Variants in CACNA2D3 observed in about 807,000 individuals in gnomAD.
CACNA2D3 encodes calcium voltage-gated channel auxiliary subunit alpha2delta 3.
In CACNA2D3, 60 loss-of-function variants were observed where a neutral mutation model predicts 160.6. That is an observed-to-expected ratio of 0.37 (90% CI 0.30 to 0.46). The LOEUF is 0.46. Among genes scored for constraint, CACNA2D3 ranks in the 20% least tolerant of loss-of-function variants. The probability of loss-of-function intolerance (pLI) is 1.00; values close to 1 mark genes in which losing one functional copy is unlikely to be tolerated. For synonymous variants in CACNA2D3, 558 were observed against 492.9 expected (o/e 1.13, Z -1.75); for missense variants, 1,205 against 1,365.0 (o/e 0.88, Z 1.85).
At chr3:54,515,199 TGAGAGA>T (rs778355205) in intron 5 of CACNA2D3, among the ~76,000 whole-genome samples, 11 of 143,596 alleles carry the variant, frequency 7.7e-5, no homozygotes, top group Admixed American at 2.8e-4. Flanking sequence ...TGTGTGTGTG[TGAGAGA>T]GAGAGAGAGA....
chr3:54,473,899 C>G (rs928528747), intron 4 of CACNA2D3, among the ~76,000 whole-genome samples: 5 of 152,154 alleles, frequency 3.3e-5, no homozygotes, highest in African/African-American at 1.2e-4. Flanking sequence ...CGGGAAACAA[C>G]AGATGCTGGA....
intron 27 of CACNA2D3, among the ~76,000 whole-genome samples, chr3:54,926,235 G>C (rs570126263): frequency 2.6e-5 from 4 of 152,190 alleles, no homozygotes; most frequent in Non-Finnish European, 4.4e-5. Flanking sequence ...ACCATTCTAA[G>C]TGCTTTATAA....
intron 2 of CACNA2D3, among the ~76,000 whole-genome samples, chr3:54,245,722 T>C (rs968897267): frequency 3.9e-5 from 6 of 152,220 alleles, no homozygotes; most frequent in African/African-American, 1.4e-4. Flanking sequence ...CAGTCTCTCA[T>C]CAGTGTCATC....
intron 13 of CACNA2D3, among the ~76,000 whole-genome samples, chr3:54,780,949 C>A (rs753015273): frequency 6.6e-6 from 1 of 152,066 alleles, no homozygotes; most frequent in South Asian, 2.1e-4. Context: ...TATGACAATA[C>A]GTATGTAACA....
intron 17 of CACNA2D3, among the ~76,000 whole-genome samples, chr3:54,848,037 C>T (rs1698972973): frequency 6.6e-6 from 1 of 152,132 alleles, no homozygotes. Context: ...CAGAAGTCAC[C>T]AAGGTAGCAT....
At chr3:54,272,651 A>G (rs1702644451) in intron 2 of CACNA2D3, 1 of 152,116 alleles carries the variant, frequency 6.6e-6, no homozygotes. Context: ...GCTTCCCCCG[A>G]GAACTCTCCC....
chr3:54,670,683 C>T (rs556608796), intron 11 of CACNA2D3, among the ~76,000 whole-genome samples: 39 of 152,200 alleles, frequency 2.6e-4, no homozygotes, highest in Non-Finnish European at 5.1e-4. Context: ...CCTGTTCTTT[C>T]TTCCTGTGAT....
intron 4 of CACNA2D3, among the ~76,000 whole-genome samples, chr3:54,403,395 A>ACACACACG (rs1553649688): frequency 7.1e-6 from 1 of 140,032 alleles, no homozygotes; most frequent in African/African-American, 2.6e-5. Flanking sequence ...ACACACACAC[A>ACACACACG]CACGCACACA....
chr3:54,375,033 C>T (rs766844178), intron 3 of CACNA2D3, among the ~76,000 whole-genome samples: 1 of 152,182 alleles, frequency 6.6e-6, no homozygotes, highest in African/African-American at 2.4e-5. Context: ...ACTGTACTTG[C>T]AGTTCCCTCA....
At chr3:54,864,002 G>T (rs1015089409) in intron 17 of CACNA2D3, among the ~76,000 whole-genome samples, 2 of 151,946 alleles carry the variant, frequency 1.3e-5, no homozygotes, top group Admixed American at 1.3e-4. Flanking sequence ...TTACATCTCC[G>T]AATAGAGGCT....
intron 2 of CACNA2D3, among the ~76,000 whole-genome samples, chr3:54,223,288 G>A (rs972975501): frequency 6.6e-6 from 1 of 152,168 alleles, no homozygotes; most frequent in African/African-American, 2.4e-5. Context: ...ATTGCTCCTA[G>A]GTGACAAACC....
At chr3:54,874,532 A>G (rs759975987) in intron 18 of CACNA2D3, 1 of 152,202 alleles carries the variant, frequency 6.6e-6, no homozygotes, top group African/African-American at 2.4e-5. Flanking sequence ...TGTGATTATT[A>G]ATAGAAAAAA....
At chr3:54,454,680 T>C (rs894234932) in intron 4 of CACNA2D3, among the ~76,000 whole-genome samples, 5 of 152,146 alleles carry the variant, frequency 3.3e-5, no homozygotes, top group African/African-American at 1.2e-4. Flanking sequence ...TACAGTGCTA[T>C]GAAACATTAG....
intron 4 of CACNA2D3, among the ~76,000 whole-genome samples, chr3:54,486,532 G>A (rs1701017937): frequency 6.6e-6 from 1 of 152,164 alleles, no homozygotes; most frequent in African/African-American, 2.4e-5. Context: ...CTGCCTTTCA[G>A]TATGATTTGT....
chr3:54,556,081 C>A (rs571499485), intron 5 of CACNA2D3, among the ~76,000 whole-genome samples: 1 of 152,228 alleles, frequency 6.6e-6, no homozygotes, highest in East Asian at 1.9e-4. Flanking sequence ...TACATACAAA[C>A]CATGAGATAT....
chr3:54,841,068 C>T (rs1698809727), intron 16 of CACNA2D3, among the ~76,000 whole-genome samples: 1 of 152,046 alleles, frequency 6.6e-6, no homozygotes, highest in Non-Finnish European at 1.5e-5. Flanking sequence ...CTACCAAGAA[C>T]AATAAGAGCA....
At chr3:54,810,493 C>T (rs987375565) in intron 13 of CACNA2D3, among the ~76,000 whole-genome samples, 5 of 152,194 alleles carry the variant, frequency 3.3e-5, no homozygotes, top group Admixed American at 2.6e-4. Flanking sequence ...GAAGATTATA[C>T]ATGCAAGCAT....
intron 2 of CACNA2D3, among the ~76,000 whole-genome samples, chr3:54,189,964 G>GT (rs1700949882): frequency 6.6e-6 from 1 of 152,208 alleles, no homozygotes. Flanking sequence ...TTGGGCTGCT[G>GT]TAACAAAATG....
chr3:54,230,197 A>G (rs1262628796), intron 2 of CACNA2D3, among the ~76,000 whole-genome samples: 1 of 151,530 alleles, frequency 6.6e-6, no homozygotes, highest in Non-Finnish European at 1.5e-5. Flanking sequence ...TTCTGGTTCT[A>G]AAAGCAGACA....
Sources: allele counts gnomAD v4.1 joint callset (sites outside exome capture counted in the v4.1 genomes callset), GRCh38; gene constraint gnomAD v4.1.1; transcripts MANE v1.5; gene names NCBI Gene and HGNC (gene_info 2026-07-23, HGNC 2026-07-21).